Variants in GRB14 observed in about 807,000 individuals in gnomAD.
GRB14 encodes growth factor receptor bound protein 14.
A neutral mutation model predicts 69.1 loss-of-function variants in GRB14; 38 were observed. The ratio of observed to expected loss-of-function variants is 0.55; its 90% CI spans 0.42 to 0.72. GRB14 has a LOEUF of 0.72. Among genes scored for constraint, GRB14 ranks in the 30% least tolerant of loss-of-function variants. GRB14 has a pLI of 0.00. For missense variants in GRB14, 666 were observed against 666.1 expected (o/e 1.00, Z 0.00); for synonymous variants, 247 against 241.3 (o/e 1.02, Z -0.22).
chr2:164,493,015 A>G lies in GRB14; in HGVS notation c.*21T>C. On this transcript the variant is annotated 3_prime_UTR_variant, in exon 14 of 14. Transcript: ENST00000263915. ...TTGAGTCCTTTTCCTTCAATAGTTTAATAAGTCACTTCTGGCTTGTCTAGA... is the reference window on the plus strand; with the variant it reads ...TTGAGTCCTTTTCCTTCAATAGTTTGATAAGTCACTTCTGGCTTGTCTAGA... The G allele has an allele frequency of 1.3e-6, 2 of 1,597,340 alleles. No individual in the cohort carries two copies. The highest frequency in any genetic ancestry group is 1.7e-4 in the Middle Eastern group (1 of 5,970).
At chr2:164,581,067 T>C (rs555971780) in intron 2 of GRB14, among the ~76,000 whole-genome samples, 2 of 152,328 alleles carry the variant, frequency 1.3e-5, no homozygotes, top group African/African-American at 4.8e-5. Flanking sequence ...TTTAGTGAAA[T>C]AGGAAATACA....
intron 6 of GRB14, among the ~76,000 whole-genome samples, chr2:164,519,647 G>T (rs1256363142): frequency 6.6e-6 from 1 of 151,934 alleles, no homozygotes. Context: ...ACTGATAAAT[G>T]AATTAAGCAA....
Position 164,621,262 on chromosome 2 carries a change from A to G in GRB14, c.48T>C (p.Ala16=). The change falls in exon 1 of 14, where the codon GCT becomes GCC. Residue 16 remains alanine (A), a synonymous_variant. Transcript: ENST00000263915. This position sits in a 1 kb window ranked among gnomAD's most constrained non-coding sequence, Gnocchi z 6.0. Reference sequence around the variant, plus strand: ...GGGCGGCCAGCGGCGAATCCCGGGCAGCCGCCCTGCTCGCGGCGCTCTGCC... The same window carrying G: ...GGGCGGCCAGCGGCGAATCCCGGGCGGCCGCCCTGCTCGCGGCGCTCTGCC... ...QDGQSAASRA[A]ARDSPLAAQV... 5 of 1,281,904 alleles carry G rather than the reference A, an allele frequency of 3.9e-6. No homozygotes were observed. Among genetic ancestry groups the G allele is most frequent in the Non-Finnish European group, 4.9e-6 (5 of 1,013,754 alleles). The allele number at this position is 1,281,904 out of a possible 1,614,324, so 79.4% of individuals were successfully genotyped here. A position where few individuals can be genotyped will look rare whatever the true frequency, so the allele number is the denominator to read the frequency against.
chr2:164,549,250 A>G (rs1688464063), intron 2 of GRB14, among the ~76,000 whole-genome samples: 1 of 152,108 alleles, frequency 6.6e-6, no homozygotes, highest in East Asian at 1.9e-4. Context: ...TAAATTTTGG[A>G]TATTAACCCT....
At chr2:164,604,730 A>G (rs1371486496) in intron 2 of GRB14, among the ~76,000 whole-genome samples, 2 of 152,220 alleles carry the variant, frequency 1.3e-5, no homozygotes, top group Non-Finnish European at 2.9e-5. Context: ...ATAAACTTCC[A>G]AAACAGGCTG....
chr2:164,507,794 G>C (rs1687231583), intron 8 of GRB14, among the ~76,000 whole-genome samples: 1 of 151,970 alleles, frequency 6.6e-6, no homozygotes, highest in East Asian at 1.9e-4. Context: ...CAATTTTCTG[G>C]CAAACAGTTT....
At chr2:164,574,129 G>A (rs1304879495) in intron 2 of GRB14, 1 of 665,100 alleles carries the variant, frequency 1.5e-6, no homozygotes, top group Non-Finnish European at 2.6e-6. Context: ...ACTTCCTTAA[G>A]TAAATGACAT....
At chr2:164,497,181 C>T (rs1289483396) in intron 11 of GRB14, 30 bp downstream of exon 11, 2 of 1,601,566 alleles carry the variant, frequency 1.2e-6, no homozygotes, top group Non-Finnish European at 1.7e-6. Flanking sequence ...TATCCGTCTA[C>T]TCAGTGGCAA....
intron 2 of GRB14, among the ~76,000 whole-genome samples, chr2:164,550,732 A>G (rs903986284): frequency 6.6e-6 from 1 of 152,210 alleles, no homozygotes; most frequent in Non-Finnish European, 1.5e-5. Context: ...ACAATAAAAA[A>G]AAAAATGCAA....
In GRB14 at chr2:164,522,039, T is replaced by C; in HGVS notation, c.757A>G (p.Lys253Glu). 6.2e-7 allele frequency: 1 copy of C among 1,604,404 alleles called. No individual in the cohort carries two copies. Among genetic ancestry groups the C allele is most frequent in the South Asian group, 1.1e-5 (1 of 90,414 alleles). Residue 253 changes from lysine (K) to glutamate (E), a missense_variant, in exon 6 of 14, where the codon AAA (lysine) becomes GAA (glutamate). By Grantham distance (56) the Lys-to-Glu change is moderately conservative. Transcript: ENST00000263915. ...GATCTTCTTAGAAAAAAGTAAATTT[T>C]TTTCCAAGACTTCTTTCCCTGTTCT... ...AKEQGKKSWKKIYFFLRRSGL... is the reference protein window; with the variant it reads ...AKEQGKKSWKEIYFFLRRSGL...
At chr2:164,520,308 G>A (rs1219255714) in intron 6 of GRB14, among the ~76,000 whole-genome samples, 1 of 152,114 alleles carries the variant, frequency 6.6e-6, no homozygotes, top group Non-Finnish European at 1.5e-5. Context: ...GTCACATGTA[G>A]AAGAATGAAA....
At chr2:164,509,691 C>A (rs549426136) in intron 6 of GRB14, among the ~76,000 whole-genome samples, 1 of 147,896 alleles carries the variant, frequency 6.8e-6, no homozygotes, top group South Asian at 2.2e-4. Flanking sequence ...AGCTTGTTAG[C>A]AATGCAAACT....
At chr2:164,581,841 C>G (rs1320814414) in intron 2 of GRB14, among the ~76,000 whole-genome samples, 1 of 152,136 alleles carries the variant, frequency 6.6e-6, no homozygotes, top group Admixed American at 6.5e-5. Flanking sequence ...TATACATATT[C>G]AAGCCCCTTG....
intron 5 of GRB14, among the ~76,000 whole-genome samples, chr2:164,523,373 C>T (rs1687685453): frequency 6.6e-6 from 1 of 151,470 alleles, no homozygotes; most frequent in Admixed American, 6.6e-5. Flanking sequence ...CGTTTGTGCT[C>T]AGCATCCTTA....
At chr2:164,513,708 G>A (rs1424704252) in intron 6 of GRB14, among the ~76,000 whole-genome samples, 2 of 152,154 alleles carry the variant, frequency 1.3e-5, no homozygotes, top group East Asian at 3.9e-4. Context: ...AACACACCTA[G>A]TAATATAGCA....
intron 3 of GRB14, among the ~76,000 whole-genome samples, chr2:164,532,188 G>A (rs1255858842): frequency 6.6e-6 from 1 of 152,126 alleles, no homozygotes; most frequent in Non-Finnish European, 1.5e-5. Flanking sequence ...AAACGTGTAT[G>A]GAACTCATTG....
At chr2:164,590,462 T>C (rs901577327) in intron 2 of GRB14, among the ~76,000 whole-genome samples, 3 of 152,230 alleles carry the variant, frequency 2.0e-5, no homozygotes, top group Non-Finnish European at 2.9e-5. Flanking sequence ...CATACTTACG[T>C]GGATGTATCA....
intron 2 of GRB14, among the ~76,000 whole-genome samples, chr2:164,560,178 G>C (rs1382101480): frequency 1.3e-5 from 2 of 152,138 alleles, no homozygotes; most frequent in Non-Finnish European, 2.9e-5. Context: ...CCAGTATTTA[G>C]GCTGCTTTAA....
chr2:164,519,986 C>T (rs898147694), intron 6 of GRB14, among the ~76,000 whole-genome samples: 16 of 151,934 alleles, frequency 1.1e-4, no homozygotes, highest in Non-Finnish European at 1.3e-4. Context: ...ATACCATCAT[C>T]GTTCTTCACA....
Sources: gnomAD v4.1 joint callset for allele counts (sites outside exome capture counted in the v4.1 genomes callset) on GRCh38, gnomAD v4.1.1 for gene constraint, Gnocchi (gnomAD v3.1) non-coding constraint, MANE v1.5 for transcripts, NCBI Gene and HGNC (gene_info 2026-07-23, HGNC 2026-07-21) for gene names.